The following PTPRT variants were observed in gnomAD, a reference collection of about 807,000 sequenced individuals.
The protein encoded by PTPRT is protein tyrosine phosphatase receptor type T, also known as receptor-type tyrosine-protein phosphatase T.
PTPRT carries 56 observed loss-of-function variants against 176.8 expected under a neutral mutation model. The ratio of observed to expected loss-of-function variants is 0.32; its 90% CI spans 0.26 to 0.40. The LOEUF is 0.40. PTPRT is among the 10% of genes least tolerant of loss of function. PTPRT has a pLI of 1.00. For synonymous variants in PTPRT, 783 were observed against 739.0 expected, an observed-to-expected ratio of 1.06 and a Z score of -0.96; for missense variants, 1,540 against 1,908.2, an observed-to-expected ratio of 0.81 and a Z score of 3.60.
At position 42,791,474 on chromosome 20, in the gene PTPRT, C is replaced by T. The variant is rs1320842068; in HGVS notation, c.215-8G>A. The T allele has an allele frequency of 6.2e-7, 1 of 1,605,150 alleles. No homozygotes were observed. Among genetic ancestry groups the T allele is most frequent in the South Asian group, 1.1e-5 (1 of 89,848 alleles). On this transcript the variant is annotated splice_region_variant and splice_polypyrimidine_tract_variant and intron_variant, in intron 2 of 30. Transcript: ENST00000373187. ...TCACCATCATGAAAGATCCTGGAGA[C>T]CCACAAAGCAGGTGGGAAGTAGAGA...
chr20:42,261,488 G>A (rs1479151607), intron 13 of PTPRT, among the ~76,000 whole-genome samples: 1 of 152,108 alleles, frequency 6.6e-6, no homozygotes, highest in Non-Finnish European at 1.5e-5. Context: ...TCTAAGACCA[G>A]GTGAAGCTGA....
At chr20:42,578,951 A>C (rs1245217249) in intron 7 of PTPRT, among the ~76,000 whole-genome samples, 1 of 147,128 alleles carries the variant, frequency 6.8e-6, no homozygotes, top group Non-Finnish European at 1.5e-5. Flanking sequence ...GTACATGTGC[A>C]CAATGTGCAC....
chr20:42,703,221 G>C (rs760374942), intron 6 of PTPRT, among the ~76,000 whole-genome samples: 25 of 150,102 alleles, frequency 1.7e-4, no homozygotes, highest in African/African-American at 3.2e-4. Flanking sequence ...GAGAGACACA[G>C]AGAGAGAGAG....
rs148275480 is a variant in PTPRT, at chr20:43,144,629, G to A, written c.88+45017C>T. ...TGTCCAGAATAGGCAAATCCATAGC[G>A]ACAGAAAGGAGGTTAACGGTTGCCT... is the stretch of plus-strand genomic sequence containing the variant. On this transcript the variant is annotated intron_variant, in intron 1 of 30. Transcript: ENST00000373187. Among the ~76,000 whole-genome samples, 873 of 152,258 alleles carry A rather than the reference G, an allele frequency of 5.7e-3. 8 individuals carry two copies. Among genetic ancestry groups the A allele is most frequent in the African/African-American group, 0.02 (830 of 41,554 alleles).
chr20:42,235,050 T>C (rs986162002), intron 15 of PTPRT, among the ~76,000 whole-genome samples: 1 of 152,228 alleles, frequency 6.6e-6, no homozygotes, highest in Non-Finnish European at 1.5e-5. Flanking sequence ...CCCACTCTTT[T>C]GCTAGCTGGA....
chr20:42,574,350 C>T (rs1456220989), intron 7 of PTPRT, among the ~76,000 whole-genome samples: 1 of 152,158 alleles, frequency 6.6e-6, no homozygotes, highest in Non-Finnish European at 1.5e-5. Flanking sequence ...TGACATTTCC[C>T]AGCCTACTCC....
At chr20:42,621,126 G>T (rs928961515) in intron 7 of PTPRT, among the ~76,000 whole-genome samples, 1 of 152,118 alleles carries the variant, frequency 6.6e-6, no homozygotes, top group African/African-American at 2.4e-5. Flanking sequence ...TTTGGGTGGG[G>T]ACAAAGAGCC....
At chr20:43,152,385 ATGAATTCAT>A (rs1219212608) in intron 1 of PTPRT, among the ~76,000 whole-genome samples, 1 of 152,206 alleles carries the variant, frequency 6.6e-6, no homozygotes, top group Non-Finnish European at 1.5e-5. Context: ...AAAAATACAT[ATGAATTCAT>A]TGCACACAAG....
rs1159230921 is a variant in PTPRT at position 42,073,757 on chromosome 20, G to C, written c.*7122C>G. 8.9e-6 allele frequency: 2 copies of C among 223,602 alleles called. No homozygotes were observed. Among genetic ancestry groups the C allele is most frequent in the Non-Finnish European group, 1.8e-5 (2 of 112,036 alleles). The allele number at this position is 223,602 out of a possible 1,614,324, so 13.9% of individuals were successfully genotyped here. Reference sequence around the variant, plus strand: ...GTGGGAGAGCAGGGGGCTTCAGCCTGTACAGACCAAACACAATCTACTTGG... The same window carrying C: ...GTGGGAGAGCAGGGGGCTTCAGCCTCTACAGACCAAACACAATCTACTTGG... On this transcript the variant is annotated 3_prime_UTR_variant, in exon 31 of 31. Transcript: ENST00000373187.
intron 9 of PTPRT, among the ~76,000 whole-genome samples, chr20:42,388,644 G>A (rs2058768193): frequency 6.6e-6 from 1 of 152,230 alleles, no homozygotes; most frequent in African/African-American, 2.4e-5. Context: ...TGGAGAGGAT[G>A]TGGAGAAATA....
intron 7 of PTPRT, among the ~76,000 whole-genome samples, chr20:42,634,055 TAA>T (rs1301642056): frequency 9.1e-5 from 3 of 32,908 alleles, no homozygotes; most frequent in African/African-American, 2.0e-4. Flanking sequence ...ATATATATTA[TAA>T]ATATATAATA....
intron 7 of PTPRT, among the ~76,000 whole-genome samples, chr20:42,487,712 C>T (rs558397961): frequency 3.3e-5 from 5 of 152,210 alleles, no homozygotes; most frequent in Non-Finnish European, 5.9e-5. Flanking sequence ...CCCCCAGAGT[C>T]GACGGAAGGA....
At chr20:42,686,780 C>T (rs1057430227) in intron 6 of PTPRT, among the ~76,000 whole-genome samples, 2 of 151,906 alleles carry the variant, frequency 1.3e-5, no homozygotes, top group Non-Finnish European at 2.9e-5. Flanking sequence ...GCGTGAGCCA[C>T]CCTGCTCAGC....
At chr20:42,677,833 C>A (rs2146063264) in intron 7 of PTPRT, 33 bp downstream of exon 7, 1 of 1,563,336 alleles carries the variant, frequency 6.4e-7, no homozygotes, top group South Asian at 1.1e-5. Flanking sequence ...CACAGCCTCT[C>A]ATAATGGAGC....
intron 1 of PTPRT, among the ~76,000 whole-genome samples, chr20:42,994,444 T>G (rs1183370052): frequency 1.3e-5 from 2 of 152,172 alleles, no homozygotes; most frequent in South Asian, 2.1e-4. Flanking sequence ...TAGGACTTTT[T>G]TTTTTTCCTG....
rs73618866 is a variant in PTPRT at position 42,899,125 on chromosome 20, G to A, written c.89-13193C>T. ...AAAAAGGGCAAGGCTACAAAGAAAG[G>A]GGGCCCCAGCCCAGAGCTCTGCCCA... On this transcript the variant is annotated intron_variant, in intron 1 of 30. Transcript: ENST00000373187. Among the ~76,000 whole-genome samples, 4 of 152,026 alleles carry A rather than the reference G, an allele frequency of 2.6e-5. No individual in the cohort carries two copies. The East Asian group carries it at 5.8e-4, about 22-fold the overall frequency.
chr20:43,176,431 T>C (rs1443312333), intron 1 of PTPRT, among the ~76,000 whole-genome samples: 4 of 152,264 alleles, frequency 2.6e-5, no homozygotes, highest in African/African-American at 9.6e-5. Context: ...TGCAGAAATA[T>C]TACAAAGAGA....
intron 1 of PTPRT, among the ~76,000 whole-genome samples, chr20:42,953,021 T>A (rs559023584): frequency 6.6e-6 from 1 of 152,338 alleles, no homozygotes; most frequent in Admixed American, 6.5e-5. Context: ...GCCCTTCAGC[T>A]CATGCCTTAA....
chr20:43,096,949 G>A (rs912952662), intron 1 of PTPRT, among the ~76,000 whole-genome samples: 16 of 152,198 alleles, frequency 1.1e-4, no homozygotes, highest in African/African-American at 3.6e-4. Flanking sequence ...ATGAAGGCCC[G>A]AGGTAAGTTT....
Sources: allele counts gnomAD v4.1 joint callset (sites outside exome capture counted in the v4.1 genomes callset), GRCh38; gene constraint gnomAD v4.1.1; transcripts MANE v1.5; gene names NCBI Gene and HGNC (gene_info 2026-07-23, HGNC 2026-07-21).